CLASP1: variants seen among roughly 807,000 people sequenced by gnomAD.
CLASP1 encodes the protein cytoplasmic linker associated protein 1.
A neutral mutation model predicts 192.3 loss-of-function variants in CLASP1; 38 were observed. The observed-to-expected ratio is 0.20, with a 90% CI of 0.15 to 0.26. The LOEUF is 0.26. CLASP1 is among the 10% of genes least tolerant of loss of function. The pLI, the probability that CLASP1 is intolerant of heterozygous loss-of-function variation, is 1.00. For synonymous variants in CLASP1, 691 were observed against 712.8 expected (o/e 0.97, Z 0.49); for missense variants, 1,433 against 1,932.5 (o/e 0.74, Z 4.85).
intron 8 of CLASP1, among the ~76,000 whole-genome samples, chr2:121,500,368 GA>G (rs1399268542): frequency 8.8e-6 from 1 of 113,982 alleles, no homozygotes; most frequent in East Asian, 2.4e-4. Context: ...AAGAAAGAAA[GA>G]AAGAAAGAAA....
At chr2:121,509,266 C>T (rs761805265) in intron 7 of CLASP1, among the ~76,000 whole-genome samples, 1 of 152,224 alleles carries the variant, frequency 6.6e-6, no homozygotes, top group African/African-American at 2.4e-5. Flanking sequence ...ACCTCAACCT[C>T]CCAAGCTGGA....
intron 22 of CLASP1, among the ~76,000 whole-genome samples, chr2:121,420,253 C>T (rs1370132670): frequency 2.6e-5 from 4 of 152,172 alleles, no homozygotes; most frequent in African/African-American, 9.7e-5. Context: ...TGTGAAAGCA[C>T]TGAATTTTCA....
intron 19 of CLASP1, among the ~76,000 whole-genome samples, chr2:121,435,482 C>G (rs1327120619): frequency 2.0e-5 from 3 of 152,170 alleles, no homozygotes; most frequent in African/African-American, 7.2e-5. Flanking sequence ...CCATGTTGGT[C>G]AGGCTGGTCT....
intron 2 of CLASP1, among the ~76,000 whole-genome samples, chr2:121,541,608 G>C (rs2095235294): frequency 6.6e-6 from 1 of 151,774 alleles, no homozygotes. Context: ...TGCCAATATC[G>C]GATAACTTCA....
At chr2:121,507,161 G>T (rs569410550) in intron 7 of CLASP1, among the ~76,000 whole-genome samples, 8 of 152,010 alleles carry the variant, frequency 5.3e-5, no homozygotes, top group African/African-American at 1.7e-4. Flanking sequence ...TAAATATGTC[G>T]AAAGATCTAA....
chr2:121,554,420 G>T (rs1315200535), intron 2 of CLASP1, among the ~76,000 whole-genome samples: 1 of 144,174 alleles, frequency 6.9e-6, no homozygotes, highest in African/African-American at 2.7e-5. Context: ...AGACCAGCCT[G>T]GGCAACATAG....
chr2:121,451,869 AC>A lies in CLASP1; in HGVS notation c.1386-21del. 6.6e-7 allele frequency: 1 copy of A among 1,510,990 alleles called. No homozygotes were observed. The highest frequency in any genetic ancestry group is 9.0e-7 in the Non-Finnish European group (1 of 1,108,664). The allele number at this position is 1,510,990 out of a possible 1,614,324, so 93.6% of individuals were successfully genotyped here. A position where few individuals can be genotyped will look rare whatever the true frequency, so the allele number is the denominator to read the frequency against. The stretch of plus-strand genomic sequence containing the variant: ...CAGCGCCTAAAAAGTATTAAGAAAT[AC>A]ACAACTTATTAATACATATTTTAGT... On this transcript the variant is annotated intron_variant, in intron 14 of 39. Transcript: ENST00000263710.
At chr2:121,609,420 C>T (rs1254148225) in intron 1 of CLASP1, among the ~76,000 whole-genome samples, 1 of 152,206 alleles carries the variant, frequency 6.6e-6, no homozygotes, top group African/African-American at 2.4e-5. Context: ...AGGCTTTAAG[C>T]AGATTGAATT....
At chr2:121,348,976 C>T (rs918885987) in intron 37 of CLASP1, among the ~76,000 whole-genome samples, 4 of 152,104 alleles carry the variant, frequency 2.6e-5, no homozygotes, top group Admixed American at 6.5e-5. Context: ...CGCGGTGGCT[C>T]ACACCTGTAA....
intron 1 of CLASP1, among the ~76,000 whole-genome samples, chr2:121,625,726 G>A (rs1384784961): frequency 1.3e-4 from 20 of 151,060 alleles, no homozygotes; most frequent in Admixed American, 7.9e-4. Flanking sequence ...GAGCCACCGC[G>A]CCCAGCCTGC....
intron 19 of CLASP1, chr2:121,445,450 T>C (rs1294680939): frequency 7.8e-7 from 1 of 1,289,138 alleles, no homozygotes; most frequent in Non-Finnish European, 1.0e-6. Context: ...GCATGGTACC[T>C]GAGTCCAGGC....
chr2:121,514,708 C>T (rs370112828), intron 7 of CLASP1, among the ~76,000 whole-genome samples: 23 of 152,118 alleles, frequency 1.5e-4, no homozygotes, highest in African/African-American at 5.3e-4. Flanking sequence ...GGCCCACTGC[C>T]GTCATGTTTG....
chr2:121,545,249 A>C (rs560085645), intron 2 of CLASP1, among the ~76,000 whole-genome samples: 1 of 152,328 alleles, frequency 6.6e-6, no homozygotes, highest in South Asian at 2.1e-4. Flanking sequence ...GCAAGGGCAG[A>C]GAATGAGAGC....
At chr2:121,556,039 A>G (rs138531120) in intron 2 of CLASP1, among the ~76,000 whole-genome samples, 13 of 114,176 alleles carry the variant, frequency 1.1e-4, no homozygotes, top group African/African-American at 4.6e-4. Flanking sequence ...GCTGGAATGC[A>G]GTGGCATGAT....
intron 1 of CLASP1, among the ~76,000 whole-genome samples, chr2:121,636,861 A>G (rs2070978138): frequency 6.6e-6 from 1 of 152,080 alleles, no homozygotes; most frequent in African/African-American, 2.4e-5. Flanking sequence ...GGACCTGAGT[A>G]AAAAACTTTG....
intron 2 of CLASP1, among the ~76,000 whole-genome samples, chr2:121,560,795 C>T (rs1262966030): frequency 3.9e-5 from 6 of 152,222 alleles, no homozygotes; most frequent in Admixed American, 2.6e-4. Context: ...AGTGCAGTGG[C>T]GCGATCTCAG....
intron 2 of CLASP1, chr2:121,530,810 C>A: frequency 3.2e-6 from 2 of 626,598 alleles, no homozygotes; most frequent in South Asian, 1.7e-5. Context: ...GGGCGAGGCT[C>A]ACGAATTAAT....
At chr2:121,371,759 A>G (rs565447318) in intron 34 of CLASP1, among the ~76,000 whole-genome samples, 93 of 152,146 alleles carry the variant, frequency 6.1e-4, no homozygotes, top group African/African-American at 2.2e-3. Context: ...CTGGGCCCTA[A>G]TCTCACGTCC....
In CLASP1 at chr2:121,527,907, AC is replaced by A; in HGVS notation, c.379-18del. Reference sequence around the variant, plus strand: ...CCATACGTACTGCAGATGACAAAGAACAGGTGAGGAAAGGAGAAGACTGCTG... The same window carrying A: ...CCATACGTACTGCAGATGACAAAGAAAGGTGAGGAAAGGAGAAGACTGCTG... On this transcript the variant is annotated intron_variant, in intron 4 of 39. Coordinates refer to ENST00000263710, the Ensembl canonical transcript of CLASP1. 6.2e-7 allele frequency: 1 copy of A among 1,602,798 alleles called. No homozygotes were observed. Among genetic ancestry groups the A allele is most frequent in the Non-Finnish European group, 8.5e-7 (1 of 1,169,854 alleles).
Sources: gnomAD v4.1 joint callset for allele counts (sites outside exome capture counted in the v4.1 genomes callset) on GRCh38, gnomAD v4.1.1 for gene constraint, MANE v1.5 for transcripts, NCBI Gene and HGNC (gene_info 2026-07-23, HGNC 2026-07-21) for gene names.